The following CIT variants were observed in gnomAD, a reference collection of about 807,000 sequenced individuals.
CIT encodes citron Rho-interacting kinase.
A neutral mutation model predicts 272.7 loss-of-function variants in CIT; 79 were observed. The ratio of observed to expected loss-of-function variants is 0.29; its 90% CI spans 0.24 to 0.35. The LOEUF is 0.35. Among genes scored for constraint, CIT ranks in the 10% least tolerant of loss-of-function variants. The probability of loss-of-function intolerance (pLI) is 1.00; values close to 1 mark genes in which losing one functional copy is unlikely to be tolerated. For missense variants in CIT, 1,909 were observed against 2,618.3 expected (o/e 0.73, Z 5.91); for synonymous variants, 948 against 995.6 (o/e 0.95, Z 0.90).
intron 9 of CIT, among the ~76,000 whole-genome samples, chr12:119,808,158 C>T (rs1250758853): frequency 2.6e-5 from 4 of 151,884 alleles, no homozygotes; most frequent in Non-Finnish European, 5.9e-5. Context: ...TTAATCCTAA[C>T]ATTCATTAAA....
rs1566141725 is a variant in CIT at position 119,862,825 on chromosome 12, A to AAG, written c.239-5128_239-5127insCT. On this transcript the variant is annotated intron_variant, in intron 3 of 47. Transcript: ENST00000392521. ...ACTCTACCTAAAAAAAAAAAAAAAA[A>AAG]AAAAAAAAAAAAAAAGAAAAAACCA... Among the ~76,000 whole-genome samples, 148 of 135,688 alleles carry AAG rather than the reference A, an allele frequency of 1.1e-3. 2 individuals carry two copies. The highest frequency in any genetic ancestry group is 4.4e-3 in the African/African-American group (144 of 32,782). The allele number at this position is 135,688 out of a possible 152,430, so 89.0% of individuals were successfully genotyped here. A position where few individuals can be genotyped will look rare whatever the true frequency, so the allele number is the denominator to read the frequency against.
chr12:119,713,451 C>A lies in CIT; in HGVS notation c.4487+17G>T, dbSNP rs199576270. On this transcript the variant is annotated intron_variant, in intron 34 of 47. Coordinates refer to ENST00000392521, the MANE Select transcript of CIT (RefSeq NM_001206999.2). This position sits in a 1 kb window ranked among gnomAD's most constrained non-coding sequence, Gnocchi z 5.2. ...GTGCCAGCACCTGCTCCAGCCCAAGCCACCCTGACATGGTACCTGGGCACC... is the reference window on the plus strand; with the variant it reads ...GTGCCAGCACCTGCTCCAGCCCAAGACACCCTGACATGGTACCTGGGCACC... 6.2e-7 allele frequency: 1 copy of A among 1,611,164 alleles called. No individual in the cohort carries two copies. The highest frequency in any genetic ancestry group is 1.3e-5 in the African/African-American group (1 of 75,010).
At chr12:119,760,110 C>T (rs1961565078) in intron 20 of CIT, among the ~76,000 whole-genome samples, 2 of 150,158 alleles carry the variant, frequency 1.3e-5, no homozygotes, top group African/African-American at 4.9e-5. Context: ...TTACTTGAAC[C>T]TGGGAGGCGG....
rs759361462 is a variant in CIT, at chr12:119,752,158, C to T, written c.2796G>A (p.Leu932=). 1.9e-6 allele frequency: 3 copies of T among 1,612,938 alleles called. No individual in the cohort carries two copies. The Admixed American group carries it at 5.0e-5, about 27-fold the overall frequency. The change falls in exon 23 of 48, where the codon TTG becomes TTA. Residue 932 remains leucine (L), a synonymous_variant. Transcript: ENST00000392521. ...CCGCCCGTGCAGCCTGCAGGGCTGT[C>T]AACTGTGACTCGCGCTCCTGCAGGG... ...QLSLQERESQ[L]TALQAARAAL...
At chr12:119,759,844 T>C (rs1226262046) in intron 20 of CIT, among the ~76,000 whole-genome samples, 1 of 151,642 alleles carries the variant, frequency 6.6e-6, no homozygotes, top group African/African-American at 2.4e-5. Context: ...AGAATTGGGG[T>C]GTGGGGGTAC....
At chr12:119,759,694 G>A (rs1961497344) in intron 20 of CIT, among the ~76,000 whole-genome samples, 1 of 152,056 alleles carries the variant, frequency 6.6e-6, no homozygotes, top group South Asian at 2.1e-4. Context: ...ATGCCTGATA[G>A]TCTGAGGTGG....
At chr12:119,809,074 G>A (rs1193764006) in intron 9 of CIT, among the ~76,000 whole-genome samples, 2 of 152,246 alleles carry the variant, frequency 1.3e-5, no homozygotes, top group East Asian at 3.9e-4. Context: ...CTCAAGAGCT[G>A]GTTAAAAGGT....
At chr12:119,754,421 G>A (rs944146079) in intron 22 of CIT, among the ~76,000 whole-genome samples, 1 of 152,192 alleles carries the variant, frequency 6.6e-6, no homozygotes, top group Non-Finnish European at 1.5e-5. Flanking sequence ...ACAGCAGAGT[G>A]GACCTCTACT....
rs1950201547 is a variant in CIT, at chr12:119,857,397, A to C, written c.414+126T>G. The C allele has an allele frequency of 1.2e-5, 11 of 925,894 alleles. No homozygotes were observed. In the East Asian group the frequency reaches 2.7e-4, roughly 23 times the overall value. 57.4% of individuals were successfully genotyped at this position (925,894 alleles called of 1,614,324 possible). ...CATGAGAGACCTTTTTGCCCCAACT[A>C]TAATTAAATATAGAGTCACAGAGGA... On this transcript the variant is annotated intron_variant, in intron 4 of 47. Transcript: ENST00000392521.
chr12:119,793,094 C>A (rs1215458584), intron 10 of CIT, among the ~76,000 whole-genome samples: 1 of 152,038 alleles, frequency 6.6e-6, no homozygotes, highest in Non-Finnish European at 1.5e-5. Context: ...CCACCACACA[C>A]AATATATATA....
chr12:119,717,838 C>CCTTTTTTTTTTTTTTTT (rs1957598855), intron 32 of CIT, among the ~76,000 whole-genome samples: 7 of 81,332 alleles, frequency 8.6e-5, no homozygotes, highest in Non-Finnish European at 1.6e-4. Context: ...TGACTTCTTT[C>CCTTTTTTTTTTTTTTTT]TTTTTTTTTT....
At chr12:119,719,184 G>A (rs1183117363) in intron 30 of CIT, among the ~76,000 whole-genome samples, 2 of 152,182 alleles carry the variant, frequency 1.3e-5, no homozygotes, top group Non-Finnish European at 2.9e-5. Context: ...AATCAGGAGA[G>A]TATGGAGTAT....
At chr12:119,748,659 AAATCAAAGAG>A (rs1214049152) in intron 23 of CIT, among the ~76,000 whole-genome samples, 1 of 152,252 alleles carries the variant, frequency 6.6e-6, no homozygotes. Flanking sequence ...TGATTTTAAC[AAATCAAAGAG>A]GATGACTTTG....
chr12:119,798,151 A>G (rs1427228494), intron 10 of CIT, among the ~76,000 whole-genome samples: 1 of 152,206 alleles, frequency 6.6e-6, no homozygotes, highest in Non-Finnish European at 1.5e-5. Context: ...TGAGAAATCC[A>G]AGAGCTATAC....
chr12:119,744,403 TAA>T (rs764573407), intron 23 of CIT, among the ~76,000 whole-genome samples: 3 of 137,996 alleles, frequency 2.2e-5, no homozygotes, highest in Admixed American at 7.2e-5. Context: ...TATTTAATTA[TAA>T]AAAAAAAAAA....
intron 3 of CIT, among the ~76,000 whole-genome samples, chr12:119,859,746 G>A (rs1950279767): frequency 6.6e-6 from 1 of 151,972 alleles, no homozygotes; most frequent in Admixed American, 6.6e-5. Flanking sequence ...CCTGGGAGGT[G>A]CAGGTTGTAG....
intron 25 of CIT, among the ~76,000 whole-genome samples, chr12:119,734,749 G>A (rs1209162927): frequency 3.9e-5 from 6 of 152,000 alleles, no homozygotes; most frequent in Admixed American, 1.3e-4. Flanking sequence ...CGTTCCTCCC[G>A]CCTCAGCATC....
chr12:119,773,468 T>C (rs566239112), intron 16 of CIT, among the ~76,000 whole-genome samples: 12 of 152,326 alleles, frequency 7.9e-5, no homozygotes, highest in African/African-American at 2.9e-4. Flanking sequence ...GTTTTGCTCT[T>C]CTTGCCCAGG....
intron 3 of CIT, among the ~76,000 whole-genome samples, chr12:119,859,687 C>T (rs959808799): frequency 2.0e-5 from 3 of 151,922 alleles, no homozygotes; most frequent in Non-Finnish European, 2.9e-5. Flanking sequence ...CACAAGCGGC[C>T]GCTTTTAATC....
Sources: allele counts gnomAD v4.1 joint callset (sites outside exome capture counted in the v4.1 genomes callset), GRCh38; gene constraint gnomAD v4.1.1; non-coding constraint Gnocchi (gnomAD v3.1); transcripts MANE v1.5; gene names NCBI Gene and HGNC (gene_info 2026-07-23, HGNC 2026-07-21).